Variants in CDH18 observed in about 807,000 individuals in gnomAD.
The protein encoded by CDH18 is cadherin-18.
A neutral mutation model predicts 67.9 loss-of-function variants in CDH18; 31 were observed. The ratio of observed to expected loss-of-function variants is 0.46; its 90% CI spans 0.34 to 0.62. The LOEUF (loss-of-function observed/expected upper bound fraction) is 0.62. Ranked by LOEUF, CDH18 falls within the 20% of genes least tolerant of loss-of-function variation. The probability of loss-of-function intolerance (pLI) is 0.01; values close to 1 mark genes in which losing one functional copy is unlikely to be tolerated. For synonymous variants in CDH18, 362 were observed against 347.2 expected (o/e 1.04, Z -0.48); for missense variants, 890 against 975.5 (o/e 0.91, Z 1.17).
At chr5:20,272,110 T>G (rs879313156) in intron 1 of CDH18, among the ~76,000 whole-genome samples, 2 of 151,940 alleles carry the variant, frequency 1.3e-5, no homozygotes, top group Non-Finnish European at 2.9e-5. Flanking sequence ...GCAGTGATAA[T>G]TAAACAAAAT....
intron 2 of CDH18, among the ~76,000 whole-genome samples, chr5:19,954,116 A>G (rs1014889175): frequency 2.6e-5 from 4 of 152,086 alleles, no homozygotes; most frequent in Admixed American, 1.3e-4. Context: ...AAATATCCTA[A>G]AAATACCACT....
At chr5:20,512,032 C>T (rs1755066929) in intron 1 of CDH18, among the ~76,000 whole-genome samples, 1 of 151,924 alleles carries the variant, frequency 6.6e-6, no homozygotes. Context: ...ACCAGTCTGG[C>T]CAACATAGTG....
In CDH18 at chr5:20,166,586, C is replaced by A. The variant is rs564532957; in HGVS notation, c.-518+88858G>T. Among the ~76,000 whole-genome samples, 13 of 152,216 alleles carry A rather than the reference C, an allele frequency of 8.5e-5. No individual in the cohort carries two copies. The South Asian group carries it at 2.7e-3, about 32-fold the overall frequency. On this transcript the variant is annotated intron_variant, in intron 2 of 14. Coordinates refer to the CDH18 transcript ENST00000507958. ...AGTAAGAGTCACCTCGAAAGCATGA[C>A]AAATTCAGATTCCCAGGTGCCGCCA...
chr5:19,748,022 A>G (rs1450242363), intron 3 of CDH18, among the ~76,000 whole-genome samples: 30 of 146,388 alleles, frequency 2.0e-4, no homozygotes, highest in African/African-American at 6.0e-4. Flanking sequence ...CTGAGGCAGG[A>G]AAATGGCGTG....
At chr5:19,785,281 A>G (rs1775576848) in intron 3 of CDH18, among the ~76,000 whole-genome samples, 1 of 152,028 alleles carries the variant, frequency 6.6e-6, no homozygotes, top group Non-Finnish European at 1.5e-5. Flanking sequence ...GATCCATCAC[A>G]TAATATTTTT....
chr5:19,574,862 C>T (rs931722707), intron 7 of CDH18, among the ~76,000 whole-genome samples: 1 of 151,896 alleles, frequency 6.6e-6, no homozygotes, highest in South Asian at 2.1e-4. Context: ...AACACGGTGA[C>T]ACCCTGTCTT....
intron 2 of CDH18, among the ~76,000 whole-genome samples, chr5:19,956,056 A>C (rs1253469823): frequency 6.6e-6 from 1 of 152,052 alleles, no homozygotes; most frequent in Non-Finnish European, 1.5e-5. Flanking sequence ...TTTTCATAGT[A>C]GTTAGTGAAA....
chr5:20,064,021 G>A (rs895385805), intron 2 of CDH18, among the ~76,000 whole-genome samples: 2 of 152,068 alleles, frequency 1.3e-5, no homozygotes, highest in Non-Finnish European at 1.5e-5. Flanking sequence ...ATTTATTTGT[G>A]TTGTTCCTTA....
chr5:19,604,901 T>C (rs1486834264), intron 6 of CDH18, among the ~76,000 whole-genome samples: 1 of 152,120 alleles, frequency 6.6e-6, no homozygotes, highest in East Asian at 1.9e-4. Flanking sequence ...TTTCTCTCAC[T>C]CTTAATCATA....
intron 1 of CDH18, among the ~76,000 whole-genome samples, chr5:20,464,781 G>A (rs1334331418): frequency 6.6e-6 from 1 of 152,126 alleles, no homozygotes; most frequent in African/African-American, 2.4e-5. Context: ...AGATGGCAAG[G>A]AAGAGAAGTT....
intron 5 of CDH18, among the ~76,000 whole-genome samples, chr5:19,637,611 G>A (rs1465641964): frequency 6.6e-6 from 1 of 152,098 alleles, no homozygotes; most frequent in Non-Finnish European, 1.5e-5. Flanking sequence ...AATTTCGCTC[G>A]AATCCTCTGT....
At chr5:19,999,391 G>C (rs114700283) in intron 2 of CDH18, among the ~76,000 whole-genome samples, 2,198 of 152,232 alleles carry the variant, frequency 0.014, 60 homozygotes, top group African/African-American at 0.05. Flanking sequence ...CCTGAGATCA[G>C]GAGTTTGAGA....
chr5:19,740,994 A>G (rs1561195166), intron 4 of CDH18, among the ~76,000 whole-genome samples: 1 of 152,018 alleles, frequency 6.6e-6, no homozygotes, highest in Non-Finnish European at 1.5e-5. Flanking sequence ...TACATCTATT[A>G]TGGATTAATC....
At chr5:20,228,392 A>G (rs1364435090) in intron 2 of CDH18, among the ~76,000 whole-genome samples, 1 of 152,122 alleles carries the variant, frequency 6.6e-6, no homozygotes, top group Non-Finnish European at 1.5e-5. Context: ...AACATGATGT[A>G]TTAAAGTATA....
intron 1 of CDH18, among the ~76,000 whole-genome samples, chr5:20,487,636 T>C (rs1753286419): frequency 6.6e-6 from 1 of 151,468 alleles, no homozygotes; most frequent in South Asian, 2.1e-4. Context: ...TATAAATTCC[T>C]TATTTTATTT....
At chr5:19,890,661 C>T (rs1443294368) in intron 2 of CDH18, among the ~76,000 whole-genome samples, 6 of 149,104 alleles carry the variant, frequency 4.0e-5, no homozygotes, top group Non-Finnish European at 7.4e-5. Context: ...GTGGCATAAT[C>T]TTGGCTCACT....
At chr5:20,151,528 T>C (rs1751103651) in intron 2 of CDH18, among the ~76,000 whole-genome samples, 1 of 152,134 alleles carries the variant, frequency 6.6e-6, no homozygotes, top group Non-Finnish European at 1.5e-5. Context: ...TTGGGTTGAA[T>C]GATAGCTGTT....
chr5:20,274,084 G>C (rs527272884), intron 1 of CDH18, among the ~76,000 whole-genome samples: 1 of 152,204 alleles, frequency 6.6e-6, no homozygotes, highest in South Asian at 2.1e-4. Flanking sequence ...ACAAGCCAAG[G>C]AATGGCAAGG....
At chr5:19,609,711 A>C (rs1748636032) in intron 6 of CDH18, among the ~76,000 whole-genome samples, 1 of 151,992 alleles carries the variant, frequency 6.6e-6, no homozygotes, top group Admixed American at 6.6e-5. Flanking sequence ...ATGTTTATTC[A>C]AGTGTCAATT....
Sources: gnomAD v4.1 joint callset for allele counts (sites outside exome capture counted in the v4.1 genomes callset) on GRCh38, gnomAD v4.1.1 for gene constraint, MANE v1.5 for transcripts, NCBI Gene and HGNC (gene_info 2026-07-23, HGNC 2026-07-21) for gene names.